Variants in AP3B1 observed in about 807,000 individuals in gnomAD.
AP3B1 encodes the protein adaptor related protein complex 3 subunit beta 1.
In AP3B1, 61 loss-of-function variants were observed where a neutral mutation model predicts 132.5. That is an observed-to-expected ratio of 0.46 (90% CI 0.37 to 0.57). AP3B1 has a LOEUF of 0.57. AP3B1 is among the 20% of genes least tolerant of loss of function. AP3B1 has a pLI of 0.00. For synonymous variants in AP3B1, 388 were observed against 438.3 expected, an observed-to-expected ratio of 0.89 and a Z score of 1.43; for missense variants, 1,120 against 1,289.4, an observed-to-expected ratio of 0.87 and a Z score of 2.01.
chr5:78,280,342 C>G (rs1004941375), intron 1 of AP3B1, among the ~76,000 whole-genome samples: 1 of 152,158 alleles, frequency 6.6e-6, no homozygotes. Context: ...ACTGACATTA[C>G]TTTGACTGTA....
intron 3 of AP3B1, among the ~76,000 whole-genome samples, chr5:78,239,317 G>GC (rs1747013060): frequency 6.7e-6 from 1 of 150,096 alleles, no homozygotes; most frequent in Non-Finnish European, 1.5e-5. Flanking sequence ...TTCAAAATAT[G>GC]AAAATTAGCT....
At chr5:78,158,781 C>A (rs1743266352) in intron 13 of AP3B1, among the ~76,000 whole-genome samples, 1 of 151,852 alleles carries the variant, frequency 6.6e-6, no homozygotes, top group African/African-American at 2.4e-5. Flanking sequence ...ACTGCAACCT[C>A]CACTTCCGGG....
intron 22 of AP3B1, among the ~76,000 whole-genome samples, chr5:78,085,207 G>C (rs1307136501): frequency 6.6e-6 from 1 of 152,158 alleles, no homozygotes; most frequent in East Asian, 1.9e-4. Context: ...TATAATGCCT[G>C]CTTCATTGCA....
chr5:78,254,502 T>C (rs985869698), intron 2 of AP3B1, among the ~76,000 whole-genome samples: 8 of 152,106 alleles, frequency 5.3e-5, no homozygotes, highest in African/African-American at 1.9e-4. Context: ...GGAGCTCCAA[T>C]ATGGTGGCAG....
At chr5:78,111,290 T>A (rs1157311954) in intron 19 of AP3B1, among the ~76,000 whole-genome samples, 1 of 152,124 alleles carries the variant, frequency 6.6e-6, no homozygotes, top group African/African-American at 2.4e-5. Flanking sequence ...CCTAAGTGCT[T>A]AACACCATTC....
chr5:78,148,534 A>G (rs1561439645), intron 14 of AP3B1, among the ~76,000 whole-genome samples: 1 of 152,140 alleles, frequency 6.6e-6, no homozygotes, highest in Non-Finnish European at 1.5e-5. Flanking sequence ...ACATTCTTTT[A>G]TTCTGACCTC....
At chr5:78,078,956 C>T (rs1484357831) in intron 22 of AP3B1, among the ~76,000 whole-genome samples, 2 of 152,190 alleles carry the variant, frequency 1.3e-5, no homozygotes, top group African/African-American at 4.8e-5. Flanking sequence ...GTGTTGTTAC[C>T]TGCCTTACAG....
chr5:78,067,000 G>A (rs956093783), intron 22 of AP3B1, among the ~76,000 whole-genome samples: 1 of 152,122 alleles, frequency 6.6e-6, no homozygotes, highest in Non-Finnish European at 1.5e-5. Context: ...AGAGAATGGA[G>A]GCCAATATTC....
At chr5:78,058,409 A>G (rs1748903658) in intron 22 of AP3B1, among the ~76,000 whole-genome samples, 1 of 152,096 alleles carries the variant, frequency 6.6e-6, no homozygotes, top group South Asian at 2.1e-4. Context: ...CTGAGGCAGG[A>G]GAATCGCTTG....
intron 1 of AP3B1, among the ~76,000 whole-genome samples, chr5:78,291,430 A>AAAAC (rs1362374744): frequency 6.6e-6 from 1 of 151,312 alleles, no homozygotes; most frequent in Non-Finnish European, 1.5e-5. Flanking sequence ...GAAAAAAAAA[A>AAAAC]AAAAAAAAAC....
intron 1 of AP3B1, among the ~76,000 whole-genome samples, chr5:78,287,731 T>G (rs919370088): frequency 7.2e-6 from 1 of 137,970 alleles, no homozygotes. Flanking sequence ...AATTTCCTAA[T>G]AACTTAATGT....
chr5:78,268,759 C>T (rs546518535), intron 1 of AP3B1, among the ~76,000 whole-genome samples: 4 of 152,256 alleles, frequency 2.6e-5, no homozygotes, highest in Admixed American at 2.0e-4. Flanking sequence ...AAAGGTTTTG[C>T]TCTTCATGGT....
At chr5:78,292,425 T>C (rs1273253926) in intron 1 of AP3B1, among the ~76,000 whole-genome samples, 1 of 152,200 alleles carries the variant, frequency 6.6e-6, no homozygotes, top group East Asian at 1.9e-4. Flanking sequence ...ATGCACTCAC[T>C]AATAAAAATA....
chr5:78,226,056 C>T (rs1476586960), intron 5 of AP3B1, among the ~76,000 whole-genome samples: 2 of 151,972 alleles, frequency 1.3e-5, no homozygotes, highest in African/African-American at 4.8e-5. Flanking sequence ...TAGAGACATG[C>T]ATTATAAAAT....
At chr5:78,282,142 A>T (rs747891257) in intron 1 of AP3B1, among the ~76,000 whole-genome samples, 3 of 152,266 alleles carry the variant, frequency 2.0e-5, no homozygotes, top group Non-Finnish European at 4.4e-5. Flanking sequence ...ACATCCCTTG[A>T]CACTGCTGTC....
chr5:78,084,998 T>A (rs1440374382), intron 22 of AP3B1, among the ~76,000 whole-genome samples: 1 of 152,120 alleles, frequency 6.6e-6, no homozygotes, highest in Non-Finnish European at 1.5e-5. Context: ...TTTGTAACCA[T>A]CACTACTATC....
chr5:78,213,229 T>C (rs1745824148), intron 7 of AP3B1, among the ~76,000 whole-genome samples: 1 of 152,032 alleles, frequency 6.6e-6, no homozygotes, highest in South Asian at 2.1e-4. Flanking sequence ...CGCTAAAAAG[T>C]TGGAAGCAAC....
At chr5:78,100,787 G>A (rs1047610255) in intron 21 of AP3B1, among the ~76,000 whole-genome samples, 166 bp downstream of exon 21, 1 of 152,130 alleles carries the variant, frequency 6.6e-6, no homozygotes, top group Non-Finnish European at 1.5e-5. Flanking sequence ...CTGAATAGAT[G>A]AAAGAAACAA....
At chr5:78,106,787 C>CA (rs1281502915) in intron 20 of AP3B1, among the ~76,000 whole-genome samples, 1 of 152,052 alleles carries the variant, frequency 6.6e-6, no homozygotes, top group Non-Finnish European at 1.5e-5. Context: ...ACAGAGTAGT[C>CA]AGAGATAATT....
Sources: allele counts gnomAD v4.1 joint callset (sites outside exome capture counted in the v4.1 genomes callset), GRCh38; gene constraint gnomAD v4.1.1; transcripts MANE v1.5; gene names NCBI Gene and HGNC (gene_info 2026-07-23, HGNC 2026-07-21).